UBE2E2: variants seen among roughly 807,000 people sequenced by gnomAD.
UBE2E2 encodes ubiquitin conjugating enzyme E2 E2.
Under a neutral mutation model 24.7 loss-of-function variants are expected in UBE2E2, and 6 were observed. The ratio of observed to expected loss-of-function variants is 0.24; its 90% CI spans 0.13 to 0.48. The LOEUF (loss-of-function observed/expected upper bound fraction) is 0.48, where lower values mean the gene tolerates loss of function less well. UBE2E2 is among the 20% of genes least tolerant of loss of function. UBE2E2 has a pLI of 0.99. For missense variants in UBE2E2, 169 were observed against 245.0 expected (o/e 0.69, Z 2.07); for synonymous variants, 104 against 83.6 (o/e 1.24, Z -1.33).
intron 3 of UBE2E2, among the ~76,000 whole-genome samples, chr3:23,401,848 CTTTTTTTTTT>C (rs35903137): frequency 1.5e-5 from 1 of 67,660 alleles, no homozygotes; most frequent in Non-Finnish European, 2.5e-5. Context: ...TGCCTGGCTA[CTTTTTTTTTT>C]TTTTTTTTTT....
chr3:23,211,767 G>A (rs1319411891), intron 2 of UBE2E2, among the ~76,000 whole-genome samples: 1 of 151,986 alleles, frequency 6.6e-6, no homozygotes, highest in Non-Finnish European at 1.5e-5. Context: ...AGATGATAAC[G>A]GTACGCTGTT....
chr3:23,303,476 A>G (rs1157704583), intron 3 of UBE2E2, among the ~76,000 whole-genome samples: 1 of 152,184 alleles, frequency 6.6e-6, no homozygotes, highest in African/African-American at 2.4e-5. Context: ...TTTATTTAGA[A>G]GCATTTTCAG....
intron 3 of UBE2E2, among the ~76,000 whole-genome samples, chr3:23,361,867 A>G (rs1045276918): frequency 6.6e-6 from 1 of 152,252 alleles, no homozygotes. Context: ...TTCTTTAGCC[A>G]TAGAACCATT....
intron 5 of UBE2E2, among the ~76,000 whole-genome samples, chr3:23,543,272 C>T (rs993509273): frequency 1.3e-5 from 2 of 152,166 alleles, no homozygotes; most frequent in African/African-American, 4.8e-5. Context: ...GTCAAATTAT[C>T]TCTGTTTGCC....
At chr3:23,485,183 C>T (rs1354908156) in intron 3 of UBE2E2, among the ~76,000 whole-genome samples, 2 of 150,722 alleles carry the variant, frequency 1.3e-5, no homozygotes, top group African/African-American at 4.9e-5. Flanking sequence ...CAACCTCCAC[C>T]TCCAGGGTTC....
intron 3 of UBE2E2, among the ~76,000 whole-genome samples, chr3:23,426,910 G>A (rs1697939791): frequency 1.3e-5 from 2 of 151,994 alleles, no homozygotes; most frequent in Non-Finnish European, 2.9e-5. Context: ...TATATTGTGT[G>A]CGTATACACA....
At chr3:23,292,802 A>G (rs1424435170) in intron 3 of UBE2E2, among the ~76,000 whole-genome samples, 2 of 152,198 alleles carry the variant, frequency 1.3e-5, no homozygotes, top group Non-Finnish European at 2.9e-5. Context: ...GGCTGGGCAC[A>G]GTGGCTCACT....
chr3:23,436,103 ACCT>A (rs1374500940), intron 3 of UBE2E2, among the ~76,000 whole-genome samples: 3 of 151,964 alleles, frequency 2.0e-5, no homozygotes, highest in Non-Finnish European at 4.4e-5. Context: ...CCAGCCGCTC[ACCT>A]CCTGCTGTGC....
At chr3:23,263,612 C>T (rs1288664643) in intron 3 of UBE2E2, among the ~76,000 whole-genome samples, 1 of 152,130 alleles carries the variant, frequency 6.6e-6, no homozygotes, top group African/African-American at 2.4e-5. Context: ...CGTTTAAGAG[C>T]TACAATGATT....
intron 3 of UBE2E2, among the ~76,000 whole-genome samples, chr3:23,365,621 A>G (rs1034987057): frequency 1.3e-5 from 2 of 152,352 alleles, no homozygotes; most frequent in South Asian, 2.1e-4. Context: ...CATAGGTGAC[A>G]CAAATGGAAG....
chr3:23,504,651 T>C (rs1694389395), intron 4 of UBE2E2, among the ~76,000 whole-genome samples: 1 of 152,230 alleles, frequency 6.6e-6, no homozygotes, highest in Non-Finnish European at 1.5e-5. Flanking sequence ...ATCTTATGGT[T>C]GCATTAATTT....
intron 3 of UBE2E2, among the ~76,000 whole-genome samples, chr3:23,363,443 G>A (rs1292332687): frequency 6.6e-6 from 1 of 152,170 alleles, no homozygotes; most frequent in Non-Finnish European, 1.5e-5. Flanking sequence ...TAAGTAAAGG[G>A]ATGGAGAAAA....
intron 3 of UBE2E2, among the ~76,000 whole-genome samples, chr3:23,389,071 GTAAA>G (rs1331120552): frequency 5.3e-5 from 8 of 151,928 alleles, no homozygotes; most frequent in Admixed American, 5.2e-4. Context: ...TACACAAGAG[GTAAA>G]CAATGACTTG....
intron 3 of UBE2E2, among the ~76,000 whole-genome samples, chr3:23,284,993 G>C (rs903768726): frequency 1.4e-5 from 2 of 145,520 alleles, no homozygotes. Context: ...ATATTTACCT[G>C]TTAACCATCT....
intron 3 of UBE2E2, among the ~76,000 whole-genome samples, chr3:23,342,671 G>T (rs1695428955): frequency 6.6e-6 from 1 of 151,712 alleles, no homozygotes. Flanking sequence ...TTCCTGACTT[G>T]GTTCCTGACA....
chr3:23,565,879 A>G (rs530533268), intron 5 of UBE2E2, among the ~76,000 whole-genome samples: 212 of 152,222 alleles, frequency 1.4e-3, no homozygotes, highest in African/African-American at 4.9e-3. Flanking sequence ...AACCTCCGTC[A>G]TGAGATCGTT....
chr3:23,363,389 C>T (rs1361448547), intron 3 of UBE2E2, among the ~76,000 whole-genome samples: 1 of 152,172 alleles, frequency 6.6e-6, no homozygotes, highest in Non-Finnish European at 1.5e-5. Context: ...GAACTGTATC[C>T]TCTCTACAGG....
At chr3:23,296,495 TC>T (rs1024873123) in intron 3 of UBE2E2, among the ~76,000 whole-genome samples, 6 of 152,264 alleles carry the variant, frequency 3.9e-5, no homozygotes, top group African/African-American at 1.4e-4. Context: ...TGTGTGATGT[TC>T]CCCTTCCTGT....
At position 23,583,739 on chromosome 3, in the gene UBE2E2, T is replaced by C. The variant is rs895475434; in HGVS notation, c.509-5995T>C. 6.6e-6 allele frequency among the ~76,000 whole-genome samples: 1 copy of C among 152,206 alleles called. No individual in the cohort carries two copies. ...CCTGTATGGTGTTGATGCATAGAAA[T>C]GCTACTGATTTTTGTGCATTGATTT... On this transcript the variant is annotated intron_variant, in intron 5 of 5. Transcript: ENST00000396703. The surrounding 1 kb of genome is among the most constrained non-coding windows in gnomAD (Gnocchi z 4.1).
Sources: gnomAD v4.1 joint callset for allele counts (sites outside exome capture counted in the v4.1 genomes callset) on GRCh38, gnomAD v4.1.1 for gene constraint, Gnocchi (gnomAD v3.1) non-coding constraint, MANE v1.5 for transcripts, NCBI Gene and HGNC (gene_info 2026-07-23, HGNC 2026-07-21) for gene names.